BRINP1: variants seen among roughly 807,000 people sequenced by gnomAD.
BRINP1 encodes the protein BMP/retinoic acid-inducible neural-specific protein 1.
In BRINP1, 17 loss-of-function variants were observed where a neutral mutation model predicts 72.9. That is an observed-to-expected ratio of 0.23 (90% CI 0.16 to 0.35). The LOEUF (loss-of-function observed/expected upper bound fraction) is 0.35. BRINP1 is among the 10% of genes least tolerant of loss of function. BRINP1 has a pLI of 1.00. For missense variants in BRINP1, 850 were observed against 1,001.6 expected (o/e 0.85, Z 2.04); for synonymous variants, 418 against 378.5 (o/e 1.10, Z -1.21).
chr9:119,312,383 T>C (rs994962166), intron 2 of BRINP1, among the ~76,000 whole-genome samples: 10 of 151,926 alleles, frequency 6.6e-5, no homozygotes, highest in South Asian at 2.1e-4. Context: ...CCTCAAAGAG[T>C]TTCCAGTTAG....
chr9:119,168,929 C>G (rs1829362621), intron 7 of BRINP1, among the ~76,000 whole-genome samples: 1 of 152,154 alleles, frequency 6.6e-6, no homozygotes, highest in East Asian at 1.9e-4. Flanking sequence ...TGTGGCGATT[C>G]CTCAAGGAGC....
intron 1 of BRINP1, among the ~76,000 whole-genome samples, chr9:119,354,819 T>C (rs1447934712): frequency 6.6e-6 from 1 of 152,192 alleles, no homozygotes; most frequent in Admixed American, 6.5e-5. Flanking sequence ...CAGTGAACTA[T>C]GATCATATCA....
intron 1 of BRINP1, among the ~76,000 whole-genome samples, chr9:119,346,524 C>G (rs1162867577): frequency 1.3e-5 from 2 of 152,264 alleles, no homozygotes; most frequent in Admixed American, 6.5e-5. Context: ...TAAAATATTA[C>G]TCTTCAAATT....
rs974528775 is a variant in BRINP1, at chr9:119,203,137, G to A, written c.1145+5582C>T. The stretch of plus-strand genomic sequence containing the variant: ...GCTTTACCATACACTAAACCAGGGC[G>A]TCCCAAACCCAGTGCAGTCTCCTAT... On this transcript the variant is annotated intron_variant, in intron 7 of 7. Coordinates refer to ENST00000265922, the MANE Select transcript of BRINP1 (RefSeq NM_014618.3). Among the ~76,000 whole-genome samples, 5 of 152,150 alleles carry A rather than the reference G, an allele frequency of 3.3e-5. No homozygotes were observed. In the East Asian group the frequency reaches 5.8e-4, roughly 18 times the overall value.
At chr9:119,211,221 C>T (rs1254083074) in intron 6 of BRINP1, among the ~76,000 whole-genome samples, 1 of 150,266 alleles carries the variant, frequency 6.7e-6, no homozygotes, top group Non-Finnish European at 1.5e-5. Flanking sequence ...TTTTGAGACA[C>T]AGTTCCACTC....
chr9:119,239,998 C>T (rs538229348), intron 4 of BRINP1, among the ~76,000 whole-genome samples: 64 of 152,188 alleles, frequency 4.2e-4, no homozygotes, highest in African/African-American at 1.5e-3. Context: ...AGGCCAGCTG[C>T]AGTGGTTCAT....
chr9:119,365,624 T>C (rs1332269625), intron 1 of BRINP1, among the ~76,000 whole-genome samples: 2 of 152,058 alleles, frequency 1.3e-5, no homozygotes, highest in African/African-American at 4.8e-5. Flanking sequence ...TTCAGAAAAA[T>C]AGAGGACTTT....
intron 7 of BRINP1, among the ~76,000 whole-genome samples, chr9:119,205,615 C>T (rs1829846301): frequency 6.6e-6 from 1 of 152,150 alleles, no homozygotes; most frequent in Non-Finnish European, 1.5e-5. Flanking sequence ...TCCTATTACC[C>T]AGCTTTGTCC....
intron 7 of BRINP1, among the ~76,000 whole-genome samples, chr9:119,197,773 C>T (rs1341646611): frequency 1.3e-5 from 2 of 152,172 alleles, no homozygotes; most frequent in Admixed American, 1.3e-4. Flanking sequence ...ATTCCCAAAC[C>T]TGTTTATGCC....
intron 1 of BRINP1, among the ~76,000 whole-genome samples, chr9:119,331,592 TG>T (rs1299479535): frequency 6.6e-6 from 1 of 152,200 alleles, no homozygotes; most frequent in Admixed American, 6.5e-5. Flanking sequence ...AGTGTTTCTT[TG>T]TAAATATGTA....
At chr9:119,170,064 A>C (rs150392384) in intron 7 of BRINP1, among the ~76,000 whole-genome samples, 24 of 152,028 alleles carry the variant, frequency 1.6e-4, no homozygotes, top group Non-Finnish European at 2.2e-4. Flanking sequence ...AACTCTAAAA[A>C]GCAGAGCGCC....
At chr9:119,280,236 GT>G (rs1225291314) in intron 2 of BRINP1, among the ~76,000 whole-genome samples, 1 of 126,354 alleles carries the variant, frequency 7.9e-6, no homozygotes, top group Admixed American at 8.5e-5. Context: ...GAAATAAGTA[GT>G]TTTTTTTTCT....
chr9:119,270,570 G>C (rs911901460), intron 2 of BRINP1, among the ~76,000 whole-genome samples: 3 of 152,160 alleles, frequency 2.0e-5, no homozygotes, highest in Non-Finnish European at 4.4e-5. Flanking sequence ...GGGGAATCAA[G>C]GAAGAGTAAA....
chr9:119,272,840 G>A (rs1830622135), intron 2 of BRINP1, among the ~76,000 whole-genome samples: 1 of 152,220 alleles, frequency 6.6e-6, no homozygotes, highest in Admixed American at 6.5e-5. Context: ...AGGGTAGCCT[G>A]AATTTGTGTC....
chr9:119,220,451 A>G (rs1392115436), intron 5 of BRINP1, among the ~76,000 whole-genome samples: 1 of 152,156 alleles, frequency 6.6e-6, no homozygotes, highest in Non-Finnish European at 1.5e-5. Context: ...TTATAGCCCA[A>G]TCTTCATCGC....
At chr9:119,329,033 G>A (rs1362485244) in intron 1 of BRINP1, among the ~76,000 whole-genome samples, 1 of 152,144 alleles carries the variant, frequency 6.6e-6, no homozygotes, top group African/African-American at 2.4e-5. Flanking sequence ...GAAGAGCTTG[G>A]AGGCAGACTT....
intron 1 of BRINP1, among the ~76,000 whole-genome samples, chr9:119,325,654 C>G (rs537491341): frequency 6.6e-6 from 1 of 152,168 alleles, no homozygotes; most frequent in African/African-American, 2.4e-5. Flanking sequence ...TCCTACTGGT[C>G]GTCTTGCTTC....
chr9:119,325,103 G>GGAAA (rs566880860), intron 1 of BRINP1, among the ~76,000 whole-genome samples: 19 of 148,064 alleles, frequency 1.3e-4, no homozygotes, highest in Middle Eastern at 3.5e-3. Flanking sequence ...TCTGTCAAAA[G>GGAAA]GAAAGAAAGA....
At chr9:119,174,185 C>G (rs1366806598) in intron 7 of BRINP1, among the ~76,000 whole-genome samples, 1 of 149,418 alleles carries the variant, frequency 6.7e-6, no homozygotes, top group Non-Finnish European at 1.5e-5. Context: ...AGGCAACCTA[C>G]AGAATGGGAG....
Sources: allele counts gnomAD v4.1 joint callset (sites outside exome capture counted in the v4.1 genomes callset), GRCh38; gene constraint gnomAD v4.1.1; transcripts MANE v1.5; gene names NCBI Gene and HGNC (gene_info 2026-07-23, HGNC 2026-07-21).